SDC2: variants seen among roughly 807,000 people sequenced by gnomAD.
SDC2 encodes the protein syndecan-2.
A neutral mutation model predicts 22.2 loss-of-function variants in SDC2; 13 were observed. The observed-to-expected ratio is 0.59, with a 90% confidence interval of 0.38 to 0.93. SDC2 has a LOEUF of 0.93. Among genes scored for constraint, SDC2 ranks in the 40% least tolerant of loss-of-function variants. The pLI is 0.00. For synonymous variants in SDC2, 94 were observed against 92.8 expected, an observed-to-expected ratio of 1.01 and a Z score of -0.07; for missense variants, 235 against 246.8, an observed-to-expected ratio of 0.95 and a Z score of 0.32.
intron 1 of SDC2, among the ~76,000 whole-genome samples, chr8:96,588,831 CT>C (rs765142759): frequency 6.6e-6 from 1 of 152,222 alleles, no homozygotes; most frequent in Non-Finnish European, 1.5e-5. Context: ...AGGACCTCTG[CT>C]TAGTAGGTAA....
chr8:96,602,450 G>A lies in SDC2; in HGVS notation c.228G>A (p.Lys76=), dbSNP rs753125482. Residue 76 remains lysine, a synonymous_variant, in exon 3 of 5, where the codon AAG becomes AAA. Transcript: ENST00000302190. ...TGACAACATCTCGACCACTTCCAAA[G>A]ATACTGTTGACTAGTGCTGCTCCAA... ...PELTTSRPLP[K]ILLTSAAPKV... is the part of the protein sequence containing the mutation. 6.2e-7 allele frequency: 1 copy of A among 1,614,124 alleles called. No individual in the cohort carries two copies. Among genetic ancestry groups the A allele is most frequent in the Non-Finnish European group, 8.5e-7 (1 of 1,179,966 alleles).
At chr8:96,587,040 G>A (rs1037562839) in intron 1 of SDC2, among the ~76,000 whole-genome samples, 4 of 151,770 alleles carry the variant, frequency 2.6e-5, no homozygotes, top group Non-Finnish European at 4.4e-5. Context: ...CTCCTGCCTC[G>A]GCCTCCCAAG....
At chr8:96,504,905 A>AAGATTTGGGT (rs1052939984) in intron 1 of SDC2, among the ~76,000 whole-genome samples, 3 of 152,058 alleles carry the variant, frequency 2.0e-5, no homozygotes, top group African/African-American at 7.2e-5. Context: ...GCCGTTTTAT[A>AAGATTTGGGT]AGATTTGGGT....
chr8:96,540,251 G>C (rs898927907), intron 1 of SDC2, among the ~76,000 whole-genome samples: 3 of 150,976 alleles, frequency 2.0e-5, no homozygotes, highest in Admixed American at 6.6e-5. Context: ...CAGTACTTTG[G>C]GAGGCCGAGG....
chr8:96,556,183 T>G (rs1297692222), intron 1 of SDC2, among the ~76,000 whole-genome samples: 1 of 152,172 alleles, frequency 6.6e-6, no homozygotes, highest in African/African-American at 2.4e-5. Flanking sequence ...CACCCTTATA[T>G]TCCCCTCTTT....
intron 1 of SDC2, among the ~76,000 whole-genome samples, chr8:96,512,806 T>C (rs1279602309): frequency 6.6e-6 from 1 of 152,176 alleles, no homozygotes; most frequent in African/African-American, 2.4e-5. Flanking sequence ...GGTTGGTAAA[T>C]AAGAGTAAAA....
intron 1 of SDC2, among the ~76,000 whole-genome samples, chr8:96,558,273 T>G (rs1814152853): frequency 6.6e-6 from 1 of 151,966 alleles, no homozygotes; most frequent in African/African-American, 2.4e-5. Context: ...TGGCTCAGGG[T>G]CGGGGGTTCT....
At chr8:96,514,308 TAG>T (rs986389658) in intron 1 of SDC2, among the ~76,000 whole-genome samples, 32 of 152,036 alleles carry the variant, frequency 2.1e-4, no homozygotes, top group Non-Finnish European at 2.9e-4. Flanking sequence ...GAGTGGACTT[TAG>T]GGAGAGGGAA....
At chr8:96,542,453 C>G (rs142118809) in intron 1 of SDC2, among the ~76,000 whole-genome samples, 14 of 152,274 alleles carry the variant, frequency 9.2e-5, no homozygotes, top group Admixed American at 5.2e-4. Flanking sequence ...TGGCTAATGC[C>G]TATTTAATTG....
At chr8:96,514,792 A>G (rs532307781) in intron 1 of SDC2, among the ~76,000 whole-genome samples, 14 of 152,044 alleles carry the variant, frequency 9.2e-5, no homozygotes, top group Non-Finnish European at 1.9e-4. Flanking sequence ...AGGGGAATCT[A>G]ATGCTGCCAC....
chr8:96,571,454 A>G (rs966710875), intron 1 of SDC2, among the ~76,000 whole-genome samples: 4 of 152,184 alleles, frequency 2.6e-5, no homozygotes, highest in African/African-American at 7.2e-5. Flanking sequence ...GAAAATAGAA[A>G]CAAAGCAATA....
At chr8:96,556,057 T>TACACACAC (rs753567813) in intron 1 of SDC2, among the ~76,000 whole-genome samples, 48 of 147,756 alleles carry the variant, frequency 3.2e-4, no homozygotes, top group African/African-American at 1.0e-3. Context: ...CACACACACA[T>TACACACAC]ACACACACAC....
At chr8:96,495,502 GC>G (rs1813058998) in intron 1 of SDC2, among the ~76,000 whole-genome samples, 1 of 151,214 alleles carries the variant, frequency 6.6e-6, no homozygotes, top group Admixed American at 6.6e-5. Context: ...CAGCCTCAGT[GC>G]CCTCTGGGGT....
rs370045231 is a variant in SDC2, at chr8:96,578,122, A to G, written c.61-15358A>G. ...AGTGCCAAGGGAGAGTTGTGATGGA[A>G]AAGGCAATTATGTTGTTAGGCACTG... On this transcript the variant is annotated intron_variant, in intron 1 of 4. Transcript: ENST00000302190. Among the ~76,000 whole-genome samples, 6 of 152,206 alleles carry G rather than the reference A, an allele frequency of 3.9e-5. No individual in the cohort carries two copies. In the South Asian group the frequency reaches 1.2e-3, roughly 31 times the overall value.
intron 1 of SDC2, among the ~76,000 whole-genome samples, chr8:96,575,886 G>T (rs1476646555): frequency 6.6e-6 from 1 of 152,140 alleles, no homozygotes; most frequent in African/African-American, 2.4e-5. Context: ...TTTGCAAGTA[G>T]CTCTGATAAG....
chr8:96,571,997 G>T (rs1239571888), intron 1 of SDC2, among the ~76,000 whole-genome samples: 2 of 152,174 alleles, frequency 1.3e-5, no homozygotes, highest in Non-Finnish European at 2.9e-5. Context: ...AGTAGGGAAG[G>T]GTTGTTAGGA....
chr8:96,574,525 A>AGGGGAACC, intron 1 of SDC2, among the ~76,000 whole-genome samples: 1 of 152,292 alleles, frequency 6.6e-6, no homozygotes, highest in Non-Finnish European at 1.5e-5. Context: ...CTTCCCCACC[A>AGGGGAACC]AGCAACAACC....
chr8:96,598,940 CTTTTT>C (rs567223016), intron 2 of SDC2, among the ~76,000 whole-genome samples: 1 of 127,460 alleles, frequency 7.8e-6, no homozygotes. Flanking sequence ...CTGTCTCTAT[CTTTTT>C]TTTTTTTTTT....
rs569750549 is a variant in SDC2, at chr8:96,601,220, C to T, written c.173-1175C>T. Among the ~76,000 whole-genome samples the T allele has an allele frequency of 1.6e-4, 24 of 152,138 alleles. No homozygotes were observed. The South Asian group carries it at 5.0e-3, about 32-fold the overall frequency. Reference sequence around the variant, plus strand: ...CATTGGGTGCTGTGGATACTGGTGACCTTAACAAAACAGTATTAATAGTGA... The same window carrying T: ...CATTGGGTGCTGTGGATACTGGTGATCTTAACAAAACAGTATTAATAGTGA... On this transcript the variant is annotated intron_variant, in intron 2 of 4. Coordinates refer to ENST00000302190, the MANE Select transcript of SDC2 (RefSeq NM_002998.4).
Sources: allele counts gnomAD v4.1 joint callset (sites outside exome capture counted in the v4.1 genomes callset), GRCh38; gene constraint gnomAD v4.1.1; transcripts MANE v1.5; gene names NCBI Gene and HGNC (gene_info 2026-07-23, HGNC 2026-07-21).